Variants in RGS7 observed in about 807,000 individuals in gnomAD.
The protein encoded by RGS7 is regulator of G-protein signaling 7.
In RGS7, 27 loss-of-function variants were observed where a neutral mutation model predicts 81.1. The observed-to-expected ratio is 0.33, with a 90% CI of 0.25 to 0.46. The LOEUF is 0.46. Among genes scored for constraint, RGS7 ranks in the 20% least tolerant of loss-of-function variants. The pLI, the probability that RGS7 is intolerant of heterozygous loss-of-function variation, is 1.00. For missense variants in RGS7, 396 were observed against 607.4 expected (o/e 0.65, Z 3.66); for synonymous variants, 208 against 207.7 (o/e 1.00, Z -0.01).
chr1:241,296,027 T>C (rs887017099), intron 2 of RGS7, among the ~76,000 whole-genome samples: 1 of 152,166 alleles, frequency 6.6e-6, no homozygotes, highest in Non-Finnish European at 1.5e-5. Flanking sequence ...GAGCTTAAAG[T>C]GTCCATGGAG....
At chr1:240,944,280 GTGTATA>G (rs1483748735) in intron 4 of RGS7, among the ~76,000 whole-genome samples, 14 of 21,180 alleles carry the variant, frequency 6.6e-4, no homozygotes, top group African/African-American at 1.9e-3. Flanking sequence ...GTGTGTGTGT[GTGTATA>G]TATATATATA....
At chr1:240,908,251 G>A (rs914808140) in intron 6 of RGS7, among the ~76,000 whole-genome samples, 2 of 151,546 alleles carry the variant, frequency 1.3e-5, no homozygotes, top group Admixed American at 6.6e-5. Flanking sequence ...TAATGTAAAC[G>A]ACGAGTTAAT....
At position 241,098,765 on chromosome 1, in the gene RGS7, A is replaced by G. The variant is rs1370257425; in HGVS notation, c.79-3T>C. On this transcript the variant is annotated splice_region_variant and splice_polypyrimidine_tract_variant and intron_variant, in intron 2 of 18. Transcript: ENST00000440928. ...ATCCGTGCTATGACGTCTTCCATCT[A>G]AACAATAATAACATAATTAAAACCT... 2 of 1,593,288 alleles carry G rather than the reference A, an allele frequency of 1.3e-6. No homozygotes were observed. Among genetic ancestry groups the G allele is most frequent in the Non-Finnish European group, 8.6e-7 (1 of 1,162,544 alleles).
At position 241,007,896 on chromosome 1, in the gene RGS7, C is replaced by T. The variant is rs375293755; in HGVS notation, c.176-24767G>A. ...CAACACCCAACTGTGCGGGCACATG[C>T]GCACAGGGACAACAGGTGGTTTTAA... On this transcript the variant is annotated intron_variant, in intron 3 of 18. Transcript: ENST00000440928. Among the ~76,000 whole-genome samples, 109 of 152,264 alleles carry T rather than the reference C, an allele frequency of 7.2e-4. 3 individuals carry two copies. The highest frequency in any genetic ancestry group is 2.4e-3 in the African/African-American group (100 of 41,562).
chr1:240,818,261 A>G (rs1464631612), intron 10 of RGS7, among the ~76,000 whole-genome samples: 1 of 152,080 alleles, frequency 6.6e-6, no homozygotes, highest in Non-Finnish European at 1.5e-5. Flanking sequence ...CACTTACTAT[A>G]TACTAGATAT....
At chr1:240,793,892 G>A (rs533466571) in intron 18 of RGS7, among the ~76,000 whole-genome samples, 16 of 152,046 alleles carry the variant, frequency 1.1e-4, no homozygotes, top group East Asian at 1.9e-4. Context: ...GATTACAGGC[G>A]TGAGCCACCG....
chr1:241,237,860 T>A (rs1323323081), intron 2 of RGS7, among the ~76,000 whole-genome samples: 3 of 152,198 alleles, frequency 2.0e-5, no homozygotes, highest in East Asian at 3.9e-4. Flanking sequence ...TGTTGTAGAA[T>A]CCTTTGGGAA....
chr1:240,977,393 ATATG>A (rs1684295187), intron 4 of RGS7, among the ~76,000 whole-genome samples: 1 of 144,200 alleles, frequency 6.9e-6, no homozygotes, highest in Admixed American at 6.7e-5. Flanking sequence ...ATATACACAC[ATATG>A]TGTGTGTGTG....
At chr1:241,037,127 T>C (rs1416920805) in intron 3 of RGS7, among the ~76,000 whole-genome samples, 2 of 152,184 alleles carry the variant, frequency 1.3e-5, no homozygotes, top group African/African-American at 4.8e-5. Flanking sequence ...CATTATTATC[T>C]TGAAGTGGAA....
In RGS7 at chr1:240,971,753, T is replaced by C. The variant is rs1572058259; in HGVS notation, c.226+11326A>G. Among the ~76,000 whole-genome samples, 3 of 152,314 alleles carry C rather than the reference T, an allele frequency of 2.0e-5. No individual in the cohort carries two copies. In the Middle Eastern group the frequency reaches 0.01, roughly 518 times the overall value. ...TTATCATCAGAGTGTTAAATATATC[T>C]CAGAAACCTAGAATGTTTTTATATA... is the stretch of plus-strand genomic sequence containing the variant. On this transcript the variant is annotated intron_variant, in intron 4 of 18. Coordinates refer to ENST00000440928, the MANE Select transcript of RGS7 (RefSeq NM_001364886.1).
At chr1:240,949,692 A>C (rs1679222953) in intron 4 of RGS7, among the ~76,000 whole-genome samples, 1 of 152,054 alleles carries the variant, frequency 6.6e-6, no homozygotes, top group African/African-American at 2.4e-5. Flanking sequence ...TACTAAAAAT[A>C]CAAAAATTAG....
rs544803013 is a variant in RGS7 at position 240,839,223 on chromosome 1, G to A, written c.610-12051C>T. Among the ~76,000 whole-genome samples the A allele has an allele frequency of 1.1e-4, 16 of 152,236 alleles. 1 individual carries two copies. The South Asian group carries it at 1.9e-3, about 18-fold the overall frequency. On this transcript the variant is annotated intron_variant, in intron 9 of 18. Transcript: ENST00000440928. Reference sequence around the variant, plus strand: ...TGCTCTCAGCATCCTTGACTCCAGCGCATCTCATTATTCTCTAATTCGTTG... The same window carrying A: ...TGCTCTCAGCATCCTTGACTCCAGCACATCTCATTATTCTCTAATTCGTTG...
intron 9 of RGS7, among the ~76,000 whole-genome samples, chr1:240,862,276 TA>T (rs537165043): frequency 9.5e-4 from 145 of 152,286 alleles, no homozygotes; most frequent in African/African-American, 3.3e-3. Context: ...TTTTGAAAGG[TA>T]AAAAATCATA....
rs556595287 is a variant in RGS7 at position 240,908,043 on chromosome 1, C to G, written c.385+22674G>C. 2.0e-5 allele frequency among the ~76,000 whole-genome samples: 3 copies of G among 151,744 alleles called. No individual in the cohort carries two copies. In the East Asian group the frequency reaches 5.8e-4, roughly 29 times the overall value. On this transcript the variant is annotated intron_variant, in intron 6 of 18. Coordinates refer to ENST00000440928, the MANE Select transcript of RGS7 (RefSeq NM_001364886.1). ...AAAGTCAGAACAGTTTTTGTTTTTA[C>G]CATAGCCACCATGGTTAACTTTTTC... is the stretch of plus-strand genomic sequence containing the variant.
chr1:241,251,443 T>C (rs2076820291), intron 2 of RGS7, among the ~76,000 whole-genome samples: 1 of 152,190 alleles, frequency 6.6e-6, no homozygotes, highest in South Asian at 2.1e-4. Flanking sequence ...CACTTGAAGT[T>C]TGCCTGGAGT....
At chr1:241,000,876 C>T (rs572616984) in intron 3 of RGS7, among the ~76,000 whole-genome samples, 2 of 147,602 alleles carry the variant, frequency 1.4e-5, no homozygotes, top group South Asian at 4.2e-4. Flanking sequence ...AGGCTGGTCT[C>T]GAACTCCTGA....
chr1:241,202,552 C>G (rs1034118720), intron 2 of RGS7, among the ~76,000 whole-genome samples: 1 of 152,122 alleles, frequency 6.6e-6, no homozygotes, highest in African/African-American at 2.4e-5. Context: ...TGTGTTGAAA[C>G]ACGATTGGGC....
At chr1:240,940,887 C>T (rs898328386) in intron 4 of RGS7, among the ~76,000 whole-genome samples, 1 of 152,152 alleles carries the variant, frequency 6.6e-6, no homozygotes, top group African/African-American at 2.4e-5. Flanking sequence ...TTATAGAGTG[C>T]AAAGTGTATG....
chr1:241,228,591 A>G (rs752683389), intron 2 of RGS7, among the ~76,000 whole-genome samples: 6 of 152,234 alleles, frequency 3.9e-5, no homozygotes, highest in Non-Finnish European at 8.8e-5. Flanking sequence ...AATGATCATA[A>G]AAGTACATGT....
Sources: gnomAD v4.1 joint callset for allele counts (sites outside exome capture counted in the v4.1 genomes callset) on GRCh38, gnomAD v4.1.1 for gene constraint, MANE v1.5 for transcripts, NCBI Gene and HGNC (gene_info 2026-07-23, HGNC 2026-07-21) for gene names.